The following CFAP47 variants were observed in gnomAD, a reference collection of about 807,000 sequenced individuals.
CFAP47 encodes the protein cilia and flagella associated protein 47.
Under a neutral mutation model 148.1 loss-of-function variants are expected in CFAP47, and 29 were observed. The observed-to-expected ratio is 0.20, with a 90% CI of 0.15 to 0.27. The LOEUF (loss-of-function observed/expected upper bound fraction) is 0.27. Among genes scored for constraint, CFAP47 ranks in the 10% least tolerant of loss-of-function variants. The probability of loss-of-function intolerance (pLI) is 1.00; values close to 1 mark genes in which losing one functional copy is unlikely to be tolerated. For synonymous variants in CFAP47, 664 were observed against 577.3 expected (o/e 1.15, Z -2.15); for missense variants, 1,872 against 1,697.5 (o/e 1.10, Z -1.81).
rs746842708 is a variant in CFAP47 at position 35,975,133 on chromosome X, T to C, written c.2255-14T>C. ...ATCTTTAAACTTAACAAAATACTTTTCATTTTTTTTCAGGGCCTTCTGTCC... is the reference window on the plus strand; with the variant it reads ...ATCTTTAAACTTAACAAAATACTTTCCATTTTTTTTCAGGGCCTTCTGTCC... On this transcript the variant is annotated splice_polypyrimidine_tract_variant and intron_variant, in intron 13 of 63. Coordinates refer to ENST00000378653, the MANE Select transcript of CFAP47 (RefSeq NM_001304548.2). 25 of 1,038,861 alleles carry C rather than the reference T, an allele frequency of 2.4e-5. No homozygotes were observed. Among genetic ancestry groups the C allele is most frequent in the Non-Finnish European group, 2.8e-5 (22 of 773,740 alleles). 85.6% of individuals were successfully genotyped at this position (1,038,861 alleles called of 1,213,427 possible).
intron 39 of CFAP47, among the ~76,000 whole-genome samples, chrX:36,165,123 A>T (rs928181886): frequency 7.2e-5 from 8 of 111,836 alleles, no homozygotes; most frequent in Non-Finnish European, 1.3e-4. Context: ...CAGATGCAAG[A>T]CTTCCTCTTT....
chrX:36,014,628 CT>C (rs764009395), intron 21 of CFAP47, 145 bp from the exon 22 acceptor site: 16 of 240,743 alleles, frequency 6.6e-5, no homozygotes, highest in African/African-American at 3.2e-4. Flanking sequence ...AATGAACCAT[CT>C]TTTTTTTAAA....
intron 42 of CFAP47, among the ~76,000 whole-genome samples, chrX:36,194,697 C>T (rs1393730180): frequency 1.8e-5 from 2 of 111,071 alleles, no homozygotes; most frequent in Non-Finnish European, 1.9e-5. Flanking sequence ...GTGAAGGGGG[C>T]GGTGCTACAC....
At chrX:36,021,962 T>A (rs1470303249) in intron 22 of CFAP47, 2 of 111,661 alleles carry the variant, frequency 1.8e-5, no homozygotes, top group East Asian at 5.6e-4. Context: ...ACTTCATGAA[T>A]TTGCATGTCA....
At chrX:36,168,624 G>A (rs778657289) in intron 39 of CFAP47, among the ~76,000 whole-genome samples, 8 of 109,927 alleles carry the variant, frequency 7.3e-5, no homozygotes, top group African/African-American at 1.3e-4. Context: ...ACAGGGTCTC[G>A]CTATATTGCC....
At chrX:36,202,548 G>C (rs181879083) in intron 44 of CFAP47, among the ~76,000 whole-genome samples, 31 of 111,171 alleles carry the variant, frequency 2.8e-4, no homozygotes, top group African/African-American at 1.0e-3. Context: ...ACACATTAGT[G>C]GGCTACCTCT....
At chrX:36,146,545 G>T (rs1025275496) in intron 36 of CFAP47, among the ~76,000 whole-genome samples, 1 of 111,177 alleles carries the variant, frequency 9.0e-6, no homozygotes, top group Non-Finnish European at 1.9e-5. Context: ...TAAATAAAAT[G>T]TATATGCAAG....
intron 25 of CFAP47, among the ~76,000 whole-genome samples, chrX:36,042,462 C>T (rs1937417340): frequency 9.0e-6 from 1 of 110,626 alleles, no homozygotes; most frequent in Non-Finnish European, 1.9e-5. Flanking sequence ...GCAAATATAA[C>T]TTAAATACTT....
chrX:36,170,285 T>TTTTA (rs1422534576), intron 39 of CFAP47, among the ~76,000 whole-genome samples: 2 of 111,747 alleles, frequency 1.8e-5, no homozygotes, highest in Admixed American at 9.5e-5. Context: ...TGGTGGTTCT[T>TTTTA]TTTATTTATT....
At chrX:36,002,056 C>T (rs762770533) in intron 21 of CFAP47, among the ~76,000 whole-genome samples, 2 of 111,591 alleles carry the variant, frequency 1.8e-5, no homozygotes, top group African/African-American at 3.3e-5. Flanking sequence ...TGAACCACTA[C>T]CTGAAATTGT....
At chrX:36,206,904 A>G (rs1940044963) in intron 45 of CFAP47, among the ~76,000 whole-genome samples, 1 of 112,362 alleles carries the variant, frequency 8.9e-6, no homozygotes. Flanking sequence ...ATCATGGTTT[A>G]TGTCTAACTC....
At chrX:35,940,590 A>T (rs1935990890) in intron 2 of CFAP47, among the ~76,000 whole-genome samples, 1 of 111,204 alleles carries the variant, frequency 9.0e-6, no homozygotes, top group African/African-American at 3.3e-5. Context: ...CTAACAGGAG[A>T]TGCAGAGAAA....
chrX:36,371,729 T>C (rs60602962), intron 62 of CFAP47, among the ~76,000 whole-genome samples: 1 of 45,603 alleles, frequency 2.2e-5, no homozygotes, highest in Non-Finnish European at 3.7e-5. Context: ...TATACACACA[T>C]GTGTGTATAT....
chrX:36,366,528 G>A (rs1255175580), intron 61 of CFAP47, among the ~76,000 whole-genome samples: 1 of 111,337 alleles, frequency 9.0e-6, no homozygotes, highest in African/African-American at 3.3e-5. Context: ...TTTGTGAAAC[G>A]AGTTGAAAAT....
At chrX:36,263,711 C>G (rs926575157) in intron 49 of CFAP47, among the ~76,000 whole-genome samples, 1 of 111,553 alleles carries the variant, frequency 9.0e-6, no homozygotes, top group African/African-American at 3.3e-5. Context: ...CAGGGCGAGT[C>G]CAGAAACGTC....
intron 49 of CFAP47, among the ~76,000 whole-genome samples, chrX:36,277,631 A>G (rs1941032049): frequency 1.8e-5 from 2 of 112,659 alleles, no homozygotes; most frequent in African/African-American, 6.5e-5. Flanking sequence ...GTATGAAGCA[A>G]TACTTTCTTT....
At chrX:35,946,021 C>T (rs184191870) in intron 3 of CFAP47, among the ~76,000 whole-genome samples, 42 of 108,759 alleles carry the variant, frequency 3.9e-4, no homozygotes, top group African/African-American at 1.2e-3. Context: ...TACAGGTGTG[C>T]GCCACCATGC....
chrX:36,208,467 G>A (rs2146887135), intron 45 of CFAP47, among the ~76,000 whole-genome samples: 1 of 108,945 alleles, frequency 9.2e-6, no homozygotes, highest in African/African-American at 3.3e-5. Flanking sequence ...ACGGGTTCAC[G>A]GCCCACAGAC....
At chrX:35,965,138 GTTTA>G (rs780583725) in intron 8 of CFAP47, among the ~76,000 whole-genome samples, 130 of 111,043 alleles carry the variant, frequency 1.2e-3, no homozygotes, top group Non-Finnish European at 1.8e-3. Flanking sequence ...TTGTTGTTTT[GTTTA>G]TTTAGTGATT....
Sources: gnomAD v4.1 joint callset for allele counts (sites outside exome capture counted in the v4.1 genomes callset) on GRCh38, gnomAD v4.1.1 for gene constraint, MANE v1.5 for transcripts, NCBI Gene and HGNC (gene_info 2026-07-23, HGNC 2026-07-21) for gene names.